Variants in ZNF330 observed in about 807,000 individuals in gnomAD.
ZNF330 encodes nucleolar atypical zinc finger, also known as zinc finger protein 330.
ZNF330 carries 31 observed loss-of-function variants against 45.5 expected under a neutral mutation model. That is an observed-to-expected ratio of 0.68 (90% CI 0.51 to 0.92). The LOEUF (loss-of-function observed/expected upper bound fraction) is 0.92, where lower values mean the gene tolerates loss of function less well. Among genes scored for constraint, ZNF330 ranks in the 40% least tolerant of loss-of-function variants. The pLI is 0.00. For synonymous variants in ZNF330, 138 were observed against 123.2 expected, an observed-to-expected ratio of 1.12 and a Z score of -0.79; for missense variants, 356 against 387.4, an observed-to-expected ratio of 0.92 and a Z score of 0.68.
chr4:141,226,909 C>A, intron 5 of ZNF330, 63 bp downstream of exon 5: 1 of 1,334,016 alleles, frequency 7.5e-7, no homozygotes, highest in South Asian at 1.3e-5. Flanking sequence ...TCATTCTGAT[C>A]AGTGGTTATT....
intron 5 of ZNF330, among the ~76,000 whole-genome samples, chr4:141,227,485 TGTATA>T (rs1728839740): frequency 6.6e-6 from 1 of 152,196 alleles, no homozygotes; most frequent in Non-Finnish European, 1.5e-5. Context: ...TTTTTATGGC[TGTATA>T]GTATTCCATG....
chr4:141,233,826 A>T lies in ZNF330; in HGVS notation c.800A>T (p.Tyr267Phe). 1 of 1,613,774 alleles carries T rather than the reference A, an allele frequency of 6.2e-7. No homozygotes were observed. Among genetic ancestry groups the T allele is most frequent in the Non-Finnish European group, 8.5e-7 (1 of 1,179,800 alleles). Residue 267 changes from tyrosine (Y) to phenylalanine (F), a missense_variant, in exon 10 of 10, where the codon TAC (tyrosine) becomes TTC (phenylalanine). Physicochemically the swap from Tyr to Phe is conservative, Grantham distance 22. Coordinates refer to ENST00000262990, the MANE Select transcript of ZNF330 (RefSeq NM_014487.6). ...TCTGATAAGTATGGTGATACCAGCT[A>T]CCACGATGAGGAGGAGGATGAGTAT... ...LSSDKYGDTSYHDEEEDEYEA... is the reference protein window; with the variant it reads ...LSSDKYGDTSFHDEEEDEYEA...
At chr4:141,230,307 G>C (rs767708538) in intron 7 of ZNF330, 37 bp downstream of exon 7, 3 of 1,253,330 alleles carry the variant, frequency 2.4e-6, no homozygotes, top group Non-Finnish European at 3.4e-6. Flanking sequence ...TTATACCCAA[G>C]ATTCTGAATA....
upstream of ZNF330, among the ~76,000 whole-genome samples, chr4:141,220,653 C>T (rs1728648925): frequency 6.6e-6 from 1 of 152,198 alleles, no homozygotes; most frequent in Non-Finnish European, 1.5e-5. Flanking sequence ...GATCCAGTAC[C>T]AAGTCTGTGA....
chr4:141,232,698 T>G (rs1419017566), intron 9 of ZNF330, 56 bp downstream of exon 9: 2 of 997,058 alleles, frequency 2.0e-6, no homozygotes, highest in African/African-American at 1.7e-5. Flanking sequence ...TAGACAAAGT[T>G]TATCTTTTTT....
chr4:141,221,015 G>A lies in ZNF330; in HGVS notation c.-100G>A, dbSNP rs1351169905. ...CACGAGTTGGATTTACTGCTGTCGC[G>A]GGTGGGCCTCACGCCATTCCCTGTC... On this transcript the variant is annotated 5_prime_UTR_variant, in exon 1 of 10. Transcript: ENST00000262990. 6.6e-6 allele frequency: 1 copy of A among 152,348 alleles called. No individual in the cohort carries two copies. Among genetic ancestry groups the A allele is most frequent in the East Asian group, 1.9e-4 (1 of 5,184 alleles). 9.4% of individuals were successfully genotyped at this position (152,348 alleles called of 1,614,324 possible).
At chr4:141,230,770 G>C (rs1728931622) in intron 7 of ZNF330, among the ~76,000 whole-genome samples, 1 of 152,060 alleles carries the variant, frequency 6.6e-6, no homozygotes, top group South Asian at 2.1e-4. Flanking sequence ...TTAAGTCCGT[G>C]GTGGGTGCCA....
intron 5 of ZNF330, among the ~76,000 whole-genome samples, chr4:141,227,407 C>A (rs971112665): frequency 3.3e-5 from 5 of 151,818 alleles, no homozygotes; most frequent in Non-Finnish European, 5.9e-5. Context: ...TTTGTCCTTG[C>A]GATAGTTTGC....
chr4:141,222,572 A>G, intron 2 of ZNF330, 81 bp downstream of exon 2: 1 of 1,450,954 alleles, frequency 6.9e-7, no homozygotes, highest in East Asian at 2.3e-5. Context: ...ATAAAATTTT[A>G]GTGAAGACAG....
intron 8 of ZNF330, 84 bp downstream of exon 8, chr4:141,231,569 A>C: frequency 4.1e-6 from 4 of 976,560 alleles, no homozygotes; most frequent in Non-Finnish European, 6.0e-6. Context: ...ATGCAGCTAT[A>C]ATTAATTTAT....
chr4:141,229,672 A>T lies in ZNF330; in HGVS notation c.393A>T (p.Glu131Asp). ...ACPLTDAECV[E>D]CERGVWDHGG... is the part of the protein sequence containing the mutation. ...CTCTTACCGATGCTGAGTGTGTTGA[A>T]TGTGAACGAGGCGTGTGGGACCATG... is the stretch of plus-strand genomic sequence containing the variant. The change falls in exon 6 of 10, where the codon GAA becomes GAT. Residue 131 changes from glutamate (E) to aspartate (D), a missense_variant. Glu to Asp is a conservative substitution (Grantham distance 45). Transcript: ENST00000262990. The T allele has an allele frequency of 6.2e-7, 1 of 1,613,152 alleles. No homozygotes were observed.
rs749682527 is a variant in ZNF330, at chr4:141,233,927, A to G, written c.901A>G (p.Asn301Asp). 6.2e-7 allele frequency: 1 copy of G among 1,613,748 alleles called. No individual in the cohort carries two copies. Among genetic ancestry groups the G allele is most frequent in the Non-Finnish European group, 8.5e-7 (1 of 1,179,752 alleles). The change falls in exon 10 of 10, where the codon AAT becomes GAT. Residue 301 changes from asparagine to aspartate, a missense_variant. By Grantham distance (23) the Asn-to-Asp change is conservative (BLOSUM62 1). Coordinates refer to ENST00000262990, the MANE Select transcript of ZNF330 (RefSeq NM_014487.6). ...TACTGAGTCATCAGATTTGTTTACT[A>G]ATTTGAATTTAGGAAGGACCTATGC... ...SDTESSDLFT[N>D]LNLGRTYASG...
At position 141,233,214 on chromosome 4, in the gene ZNF330, GTGAC is replaced by G. The variant is rs113194361; in HGVS notation, c.689-494_689-491del. Among the ~76,000 whole-genome samples the G allele has an allele frequency of 2.8e-3, 431 of 152,204 alleles. 3 individuals carry two copies. Among genetic ancestry groups the G allele is most frequent in the African/African-American group, 1.0e-2 (415 of 41,526 alleles). On this transcript the variant is annotated intron_variant, in intron 9 of 9. Coordinates refer to ENST00000262990, the MANE Select transcript of ZNF330 (RefSeq NM_014487.6). Reference sequence around the variant, plus strand: ...TATCAGAATGGAACCATAATTCTAAGTGACTGACTGCTTTGTTTAATCACAGATG... The same window carrying G: ...TATCAGAATGGAACCATAATTCTAAGTGACTGCTTTGTTTAATCACAGATG...
intron 4 of ZNF330, among the ~76,000 whole-genome samples, chr4:141,226,397 A>G (rs1273204786): frequency 6.6e-6 from 1 of 152,190 alleles, no homozygotes; most frequent in Non-Finnish European, 1.5e-5. Context: ...AAAATTTGTT[A>G]TAAAAAGCAT....
chr4:141,224,210 T>G (rs1203727199), intron 2 of ZNF330, among the ~76,000 whole-genome samples: 2 of 152,218 alleles, frequency 1.3e-5, no homozygotes, highest in Non-Finnish European at 2.9e-5. Flanking sequence ...CTGTGGTATT[T>G]TATTCCTTAC....
chr4:141,222,258 T>G, intron 1 of ZNF330, 108 bp from the exon 2 acceptor site: 2 of 1,326,390 alleles, frequency 1.5e-6, no homozygotes, highest in Non-Finnish European at 2.0e-6. Flanking sequence ...GGATAGAGTT[T>G]AACATTTAAC....
chr4:141,231,565 C>G, intron 8 of ZNF330, 80 bp downstream of exon 8: 1 of 1,008,684 alleles, frequency 9.9e-7, no homozygotes, highest in East Asian at 2.7e-5. Context: ...TTATATGCAG[C>G]TATAATTAAT....
At chr4:141,220,873 A>G (rs1424667475), upstream of ZNF330, 5 of 152,222 alleles carry the variant, frequency 3.3e-5, no homozygotes, top group Admixed American at 3.3e-4. Context: ...CTCCCGTCCT[A>G]TGACGTCAGC....
chr4:141,225,211 C>T (rs537279935), intron 4 of ZNF330, among the ~76,000 whole-genome samples: 5 of 152,008 alleles, frequency 3.3e-5, no homozygotes, highest in South Asian at 2.1e-4. Context: ...GTCATGTGCC[C>T]GGTTCTTAAG....
Sources: gnomAD v4.1 joint callset for allele counts (sites outside exome capture counted in the v4.1 genomes callset) on GRCh38, gnomAD v4.1.1 for gene constraint, MANE v1.5 for transcripts, NCBI Gene and HGNC (gene_info 2026-07-23, HGNC 2026-07-21) for gene names.